The following FGGY variants were observed in gnomAD, a reference collection of about 807,000 sequenced individuals.
FGGY encodes FGGY carbohydrate kinase domain-containing protein.
A neutral mutation model predicts 71.3 loss-of-function variants in FGGY; 72 were observed. The observed-to-expected ratio is 1.01, with a 90% confidence interval of 0.84 to 1.23. FGGY has a LOEUF of 1.23. Among genes scored for constraint, FGGY ranks in the 50% most tolerant of loss-of-function variants. FGGY has a pLI of 0.00. For synonymous variants in FGGY, 251 were observed against 250.3 expected (o/e 1.00, Z -0.02); for missense variants, 668 against 682.3 (o/e 0.98, Z 0.23).
intron 8 of FGGY, among the ~76,000 whole-genome samples, chr1:59,591,152 AAGAG>A (rs974545525): frequency 8.5e-6 from 1 of 117,326 alleles, no homozygotes; most frequent in Non-Finnish European, 1.8e-5. Flanking sequence ...ATAACAGACA[AAGAG>A]AGAGCCAAAT....
At chr1:59,669,522 A>G (rs904999642) in intron 13 of FGGY, among the ~76,000 whole-genome samples, 4 of 149,530 alleles carry the variant, frequency 2.7e-5, no homozygotes, top group African/African-American at 9.9e-5. Context: ...GATCTGTGAC[A>G]TTCCAATTTC....
At chr1:59,546,426 T>C (rs1393136474) in intron 7 of FGGY, among the ~76,000 whole-genome samples, 2 of 97,406 alleles carry the variant, frequency 2.1e-5, no homozygotes, top group African/African-American at 9.2e-5. Context: ...GGTGGGAGGG[T>C]TGGGGTGGGG....
intron 6 of FGGY, among the ~76,000 whole-genome samples, chr1:59,471,128 G>GGAGACTT (rs1430144645): frequency 1.3e-5 from 2 of 152,266 alleles, no homozygotes; most frequent in East Asian, 1.9e-4. Context: ...ATATCAAGGG[G>GGAGACTT]GAGACTTGGT....
At chr1:59,589,600 G>C (rs1252823729) in intron 8 of FGGY, among the ~76,000 whole-genome samples, 2 of 152,198 alleles carry the variant, frequency 1.3e-5, no homozygotes, top group Admixed American at 6.5e-5. Context: ...TCAGACCACA[G>C]TGCAATCAAA....
intron 11 of FGGY, among the ~76,000 whole-genome samples, chr1:59,647,763 T>A (rs1203180580): frequency 3.4e-5 from 5 of 145,386 alleles, no homozygotes; most frequent in Non-Finnish European, 6.0e-5. Flanking sequence ...TTTTTTTTTT[T>A]ATACTTTAAG....
chr1:59,729,087 T>A (rs964816698), intron 14 of FGGY, among the ~76,000 whole-genome samples: 1 of 152,066 alleles, frequency 6.6e-6, no homozygotes. Context: ...TTTTTGCATA[T>A]CAGTTTGGGA....
intron 5 of FGGY, among the ~76,000 whole-genome samples, chr1:59,439,804 A>G (rs755014482): frequency 5.9e-5 from 9 of 152,058 alleles, no homozygotes; most frequent in Admixed American, 2.6e-4. Context: ...TTTGTTCTAT[A>G]TTTCCAAACC....
chr1:59,465,701 T>A (rs2092577262), intron 6 of FGGY, among the ~76,000 whole-genome samples: 1 of 151,940 alleles, frequency 6.6e-6, no homozygotes, highest in Non-Finnish European at 1.5e-5. Context: ...AAGCATTTCC[T>A]ATACACCAAC....
chr1:59,409,020 A>G (rs983505243), intron 5 of FGGY, among the ~76,000 whole-genome samples: 3 of 152,070 alleles, frequency 2.0e-5, no homozygotes, highest in Non-Finnish European at 4.4e-5. Context: ...CCTTAACCTA[A>G]GTTCTTTTTC....
chr1:59,605,948 C>A (rs1572000522), intron 8 of FGGY, among the ~76,000 whole-genome samples: 1 of 152,136 alleles, frequency 6.6e-6, no homozygotes, highest in South Asian at 2.1e-4. Flanking sequence ...GCCTAACTCC[C>A]TTTTCTTCCC....
chr1:59,362,367 A>G (rs1443565917), intron 4 of FGGY, among the ~76,000 whole-genome samples: 4 of 152,228 alleles, frequency 2.6e-5, no homozygotes, highest in African/African-American at 9.6e-5. Context: ...GCTTCCCACT[A>G]GGTTATTGCT....
chr1:59,509,378 A>G (rs547480810), intron 6 of FGGY, among the ~76,000 whole-genome samples: 4 of 152,302 alleles, frequency 2.6e-5, no homozygotes, highest in Admixed American at 1.3e-4. Context: ...CTGCTATAAT[A>G]CTGCCAGAGA....
chr1:59,533,014 C>T lies in FGGY; in HGVS notation c.799+20575C>T, dbSNP rs140296130. 2.6e-4 allele frequency among the ~76,000 whole-genome samples: 39 copies of T among 152,256 alleles called. 1 individual carries two copies. Among genetic ancestry groups the T allele is most frequent in the African/African-American group, 7.9e-4 (33 of 41,548 alleles). On this transcript the variant is annotated intron_variant, in intron 7 of 15. Coordinates refer to ENST00000303721, the MANE Select transcript of FGGY (RefSeq NM_018291.5). ...AATTTTAGGGAGGAGCCAAGATGGC[C>T]GAATAGGAACAGCTCCCGTCTACAG... is the stretch of plus-strand genomic sequence containing the variant.
chr1:59,382,204 T>C (rs192879269), intron 5 of FGGY, among the ~76,000 whole-genome samples: 11 of 152,326 alleles, frequency 7.2e-5, no homozygotes, highest in Admixed American at 2.0e-4. Context: ...TCCTTCTTGT[T>C]TGAATTCAAG....
At chr1:59,711,736 A>G (rs370590895) in intron 14 of FGGY, among the ~76,000 whole-genome samples, 1 of 152,192 alleles carries the variant, frequency 6.6e-6, no homozygotes, top group Non-Finnish European at 1.5e-5. Flanking sequence ...AAACCATCAG[A>G]TCTTGCGAGA....
chr1:59,691,599 A>G (rs2097587350), intron 14 of FGGY, among the ~76,000 whole-genome samples: 1 of 151,464 alleles, frequency 6.6e-6, no homozygotes, highest in South Asian at 2.1e-4. Flanking sequence ...GCTGGCCCTC[A>G]GAAAAGCCTT....
At position 59,300,664 on chromosome 1, in the gene FGGY, T is replaced by C. The variant is rs1335626805; in HGVS notation, c.-15+3514T>C. The stretch of plus-strand genomic sequence containing the variant: ...TGATCATTTTAAGGTAATTTTTGTA[T>C]AGGACATGAAATATGGAATCAAGTT... On this transcript the variant is annotated intron_variant, in intron 1 of 15. Coordinates refer to ENST00000303721, the MANE Select transcript of FGGY (RefSeq NM_018291.5). Among the ~76,000 whole-genome samples the C allele has an allele frequency of 3.3e-5, 5 of 151,520 alleles. No individual in the cohort carries two copies. The East Asian group carries it at 9.8e-4, about 30-fold the overall frequency.
At chr1:59,723,000 T>C (rs1024504499) in intron 14 of FGGY, among the ~76,000 whole-genome samples, 5 of 152,168 alleles carry the variant, frequency 3.3e-5, no homozygotes, top group African/African-American at 1.2e-4. Flanking sequence ...GGTTTCACCA[T>C]GTTAGCCAGG....
chr1:59,411,815 A>G (rs1399448137), intron 5 of FGGY, among the ~76,000 whole-genome samples: 1 of 152,008 alleles, frequency 6.6e-6, no homozygotes, highest in Non-Finnish European at 1.5e-5. Flanking sequence ...TCTTTCTGAC[A>G]TGTCTCCATC....
Sources: allele counts gnomAD v4.1 joint callset (sites outside exome capture counted in the v4.1 genomes callset), GRCh38; gene constraint gnomAD v4.1.1; transcripts MANE v1.5; gene names NCBI Gene and HGNC (gene_info 2026-07-23, HGNC 2026-07-21).